The following CMTM3 variants were observed in gnomAD, a reference collection of about 807,000 sequenced individuals.
CMTM3 encodes the protein CKLF like MARVEL transmembrane domain containing 3.
In CMTM3, 7 loss-of-function variants were observed where a neutral mutation model predicts 18.2. The observed-to-expected ratio is 0.38, with a 90% CI of 0.22 to 0.72. The LOEUF is 0.72. Among genes scored for constraint, CMTM3 ranks in the 30% least tolerant of loss-of-function variants. The pLI is 0.46. For synonymous variants in CMTM3, 109 were observed against 111.2 expected, an observed-to-expected ratio of 0.98 and a Z score of 0.12; for missense variants, 227 against 249.2, an observed-to-expected ratio of 0.91 and a Z score of 0.60.
chr16:66,608,320 C>G lies in CMTM3; in HGVS notation c.159C>G (p.Phe53Leu), dbSNP rs1430860337. ...RLLLAESGLS[F>L]ITFICYVASS... The stretch of plus-strand genomic sequence containing the variant: ...CTCCTTCCCCGCAGGGTCTCTCATT[C>G]ATCACTTTTATCTGCTATGTGGCGT... The change falls in exon 2 of 5, where the codon TTC (phenylalanine) becomes TTG (leucine). Residue 53 changes from phenylalanine (F) to leucine (L), a missense_variant. Phe to Leu is a conservative substitution (Grantham distance 22). Coordinates refer to ENST00000567572, the MANE Select transcript of CMTM3 (RefSeq NM_181553.4). This position sits in a 1 kb window ranked among gnomAD's most constrained non-coding sequence, Gnocchi z 5.1. 6.2e-7 allele frequency: 1 copy of G among 1,614,210 alleles called. No individual in the cohort carries two copies. Among genetic ancestry groups the G allele is most frequent in the Admixed American group, 1.7e-5 (1 of 60,020 alleles).
At chr16:66,606,128 G>C (rs1046294980) in intron 1 of CMTM3, among the ~76,000 whole-genome samples, 1 of 152,068 alleles carries the variant, frequency 6.6e-6, no homozygotes, top group Non-Finnish European at 1.5e-5. Flanking sequence ...CCAGGTCAGG[G>C]AGGATAAGGA....
rs371166783 is a variant in CMTM3, at chr16:66,610,029, G to A, written c.520+26G>A. ...GTAAGCGGCTGCCCTGATCACCCCA[G>A]CAGTGCTGCAACAGGGGCCTGCCCT... is the stretch of plus-strand genomic sequence containing the variant. On this transcript the variant is annotated intron_variant, in intron 4 of 4. Coordinates refer to ENST00000567572, the MANE Select transcript of CMTM3 (RefSeq NM_181553.4). This position sits in a 1 kb window ranked among gnomAD's most constrained non-coding sequence, Gnocchi z 4.6. 24 of 1,612,496 alleles carry A rather than the reference G, an allele frequency of 1.5e-5. No individual in the cohort carries two copies. The East Asian group carries it at 1.8e-4, about 12-fold the overall frequency.
Position 66,609,932 on chromosome 16 carries a change from T to C in CMTM3, c.449T>C (p.Ile150Thr). 6.2e-7 allele frequency: 1 copy of C among 1,614,140 alleles called. No homozygotes were observed. Among genetic ancestry groups the C allele is most frequent in the Non-Finnish European group, 8.5e-7 (1 of 1,180,028 alleles). The change falls in exon 4 of 5, where the codon ATC becomes ACC. Residue 150 changes from isoleucine to threonine, a missense_variant. Transcript: ENST00000567572. This position sits in a 1 kb window ranked among gnomAD's most constrained non-coding sequence, Gnocchi z 4.4. The stretch of plus-strand genomic sequence containing the variant: ...GTGTTTGCAACTGATTTCTACCTGA[T>C]CTTTAACGACGTGGCCAAATTCCTC... ...TIVFATDFYL[I>T]FNDVAKFLKQ...
Position 66,609,344 on chromosome 16 carries a change from T to C in CMTM3, c.304-91T>C. ...GATAGGAGCCCTCAGGTGCTAGGCCTGGGGCTGGGAACACGACCAGGCTGC... is the reference window on the plus strand; with the variant it reads ...GATAGGAGCCCTCAGGTGCTAGGCCCGGGGCTGGGAACACGACCAGGCTGC... On this transcript the variant is annotated intron_variant, in intron 2 of 4. Coordinates refer to ENST00000567572, the MANE Select transcript of CMTM3 (RefSeq NM_181553.4). The surrounding 1 kb of genome is among the most constrained non-coding windows in gnomAD (Gnocchi z 4.4). 8.8e-7 allele frequency: 1 copy of C among 1,136,082 alleles called. No individual in the cohort carries two copies. Among genetic ancestry groups the C allele is most frequent in the Non-Finnish European group, 1.3e-6 (1 of 780,782 alleles). The allele number at this position is 1,136,082 out of a possible 1,614,324, so 70.4% of individuals were successfully genotyped here. A position where few individuals can be genotyped will look rare whatever the true frequency, so the allele number is the denominator to read the frequency against.
rs1432555563 is a variant in CMTM3, at chr16:66,612,093, G to A, written c.521-516G>A. ...TCTTGGGGTGGAAACACCCCCACCT[G>A]CACCCGCACCCACACCCTGGAGGTG... On this transcript the variant is annotated intron_variant, in intron 4 of 4. Coordinates refer to ENST00000567572, the MANE Select transcript of CMTM3 (RefSeq NM_181553.4). This position sits in a 1 kb window ranked among gnomAD's most constrained non-coding sequence, Gnocchi z 6.0. 6.6e-6 allele frequency among the ~76,000 whole-genome samples: 1 copy of A among 152,122 alleles called. No individual in the cohort carries two copies. The highest frequency in any genetic ancestry group is 2.4e-5 in the African/African-American group (1 of 41,434).
At position 66,612,653 on chromosome 16, in the gene CMTM3, C is replaced by G. The variant is rs369189650; in HGVS notation, c.*16C>G. On this transcript the variant is annotated 3_prime_UTR_variant, in exon 5 of 5. Transcript: ENST00000567572. This position sits in a 1 kb window ranked among gnomAD's most constrained non-coding sequence, Gnocchi z 6.0. ...CTCTGACTGAAGGCCTGGCGGGTGC[C>G]TTGGCAACCTGAGCCACACAGGCCT... 2 of 1,613,482 alleles carry G rather than the reference C, an allele frequency of 1.2e-6. No individual in the cohort carries two copies. Among genetic ancestry groups the G allele is most frequent in the African/African-American group, 2.7e-5 (2 of 74,936 alleles).
intron 1 of CMTM3, among the ~76,000 whole-genome samples, chr16:66,607,792 C>T (rs1454003551): frequency 6.7e-6 from 1 of 149,016 alleles, no homozygotes; most frequent in African/African-American, 2.5e-5. Flanking sequence ...GGGCCATGCC[C>T]AGGACTGGGA....
chr16:66,604,226 G>C, upstream of CMTM3: 1 of 152,410 alleles, frequency 6.6e-6, no homozygotes, highest in Non-Finnish European at 1.5e-5. Flanking sequence ...GCGGGTGCAG[G>C]ACCGAGGCCT....
In CMTM3 at chr16:66,612,242, C is replaced by T. The variant is rs940659612; in HGVS notation, c.521-367C>T. On this transcript the variant is annotated intron_variant, in intron 4 of 4. Coordinates refer to ENST00000567572, the MANE Select transcript of CMTM3 (RefSeq NM_181553.4). The surrounding 1 kb of genome is among the most constrained non-coding windows in gnomAD (Gnocchi z 6.0). ...CCAGCCTGGTGAAAGCCCATCTCTACTAAAAGTACAAAAATTAGCCAGGTG... is the reference window on the plus strand; with the variant it reads ...CCAGCCTGGTGAAAGCCCATCTCTATTAAAAGTACAAAAATTAGCCAGGTG... 1.3e-5 allele frequency among the ~76,000 whole-genome samples: 2 copies of T among 152,134 alleles called. No homozygotes were observed. The highest frequency in any genetic ancestry group is 2.4e-5 in the African/African-American group (1 of 41,426).
Position 66,612,705 on chromosome 16 carries a change from T to C in CMTM3, c.*68T>C, listed in dbSNP as rs2015426874. ...CACCCCTGCGCCTCACAGGGGTCGCTGGCGTTGGAGCGGAGGCCTGGACTT... is the reference window on the plus strand; with the variant it reads ...CACCCCTGCGCCTCACAGGGGTCGCCGGCGTTGGAGCGGAGGCCTGGACTT... On this transcript the variant is annotated 3_prime_UTR_variant, in exon 5 of 5. Transcript: ENST00000567572. This position sits in a 1 kb window ranked among gnomAD's most constrained non-coding sequence, Gnocchi z 6.0. 2.0e-6 allele frequency: 3 copies of C among 1,513,986 alleles called. No homozygotes were observed. The highest frequency in any genetic ancestry group is 2.7e-6 in the Non-Finnish European group (3 of 1,092,868). The allele number at this position is 1,513,986 out of a possible 1,614,324, so 93.8% of individuals were successfully genotyped here. A position where few individuals can be genotyped will look rare whatever the true frequency, so the allele number is the denominator to read the frequency against.
Position 66,610,178 on chromosome 16 carries a change from A to G in CMTM3, c.520+175A>G. ...GCAGCACTGATCCAAAGCCAGTCCC[A>G]TTCGCCTCGTGCACCCTCACCCCAG... On this transcript the variant is annotated intron_variant, in intron 4 of 4. Transcript: ENST00000567572. This position sits in a 1 kb window ranked among gnomAD's most constrained non-coding sequence, Gnocchi z 4.6. 2 of 775,302 alleles carry G rather than the reference A, an allele frequency of 2.6e-6. No individual in the cohort carries two copies. Among genetic ancestry groups the G allele is most frequent in the Non-Finnish European group, 4.1e-6 (2 of 491,726 alleles). 48.0% of individuals were successfully genotyped at this position (775,302 alleles called of 1,614,324 possible). A position where few individuals can be genotyped will look rare whatever the true frequency, so the allele number is the denominator to read the frequency against.
rs2015429025 is a variant in CMTM3, at chr16:66,612,732, T to C, written c.*95T>C. ...GCGTTGGAGCGGAGGCCTGGACTTC[T>C]GAGTTGCAGAGGGGGCTGCGGACAC... On this transcript the variant is annotated 3_prime_UTR_variant, in exon 5 of 5. Transcript: ENST00000567572. The surrounding 1 kb of genome is among the most constrained non-coding windows in gnomAD (Gnocchi z 6.0). The C allele has an allele frequency of 2.4e-6, 3 of 1,274,162 alleles. No individual in the cohort carries two copies. The highest frequency in any genetic ancestry group is 1.5e-5 in the African/African-American group (1 of 67,758). The allele number at this position is 1,274,162 out of a possible 1,614,324, so 78.9% of individuals were successfully genotyped here. A position where few individuals can be genotyped will look rare whatever the true frequency, so the allele number is the denominator to read the frequency against.
At position 66,609,389 on chromosome 16, in the gene CMTM3, G is replaced by A; in HGVS notation, c.304-46G>A. 1 of 1,553,482 alleles carries A rather than the reference G, an allele frequency of 6.4e-7. No individual in the cohort carries two copies. Among genetic ancestry groups the A allele is most frequent in the Non-Finnish European group, 8.8e-7 (1 of 1,134,040 alleles). ...GGCTGCCAGGCCTCCTCCCCATGCT[G>A]TGCTCAGCTCCAGGGGCTCAGGGCA... is the stretch of plus-strand genomic sequence containing the variant. On this transcript the variant is annotated intron_variant, in intron 2 of 4. Transcript: ENST00000567572. This position sits in a 1 kb window ranked among gnomAD's most constrained non-coding sequence, Gnocchi z 4.4.
rs2015403739 is a variant in CMTM3 at position 66,612,235 on chromosome 16, A to G, written c.521-374A>G. Among the ~76,000 whole-genome samples, 1 of 152,146 alleles carries G rather than the reference A, an allele frequency of 6.6e-6. No individual in the cohort carries two copies. Among genetic ancestry groups the G allele is most frequent in the Non-Finnish European group, 1.5e-5 (1 of 68,012 alleles). On this transcript the variant is annotated intron_variant, in intron 4 of 4. Coordinates refer to ENST00000567572, the MANE Select transcript of CMTM3 (RefSeq NM_181553.4). The surrounding 1 kb of genome is among the most constrained non-coding windows in gnomAD (Gnocchi z 6.0). ...TTCAAGACCAGCCTGGTGAAAGCCC[A>G]TCTCTACTAAAAGTACAAAAATTAG...
In CMTM3 at chr16:66,609,160, G is replaced by C. The variant is rs1444343435; in HGVS notation, c.304-275G>C. ...TTCCAACTTCTGCTTCCACCGCATC[G>C]CAGGGCAGGCTGCACCCTGATCCAC... On this transcript the variant is annotated intron_variant, in intron 2 of 4. Coordinates refer to ENST00000567572, the MANE Select transcript of CMTM3 (RefSeq NM_181553.4). The surrounding 1 kb of genome is among the most constrained non-coding windows in gnomAD (Gnocchi z 4.4). Among the ~76,000 whole-genome samples the C allele has an allele frequency of 6.6e-6, 1 of 151,774 alleles. No homozygotes were observed. Among genetic ancestry groups the C allele is most frequent in the Non-Finnish European group, 1.5e-5 (1 of 67,912 alleles).
Position 66,609,833 on chromosome 16 carries a change from C to T in CMTM3, c.400-50C>T. The T allele has an allele frequency of 6.2e-7, 1 of 1,614,134 alleles. No individual in the cohort carries two copies. The highest frequency in any genetic ancestry group is 1.1e-5 in the South Asian group (1 of 91,090). On this transcript the variant is annotated intron_variant, in intron 3 of 4. Transcript: ENST00000567572. This position sits in a 1 kb window ranked among gnomAD's most constrained non-coding sequence, Gnocchi z 4.4. ...GCCGTGAGGCTGGGGCAGCAGCCTCCCGGAGCAGGGAGTCAGCCCTGTGAT... is the reference window on the plus strand; with the variant it reads ...GCCGTGAGGCTGGGGCAGCAGCCTCTCGGAGCAGGGAGTCAGCCCTGTGAT...
chr16:66,613,718 A>G lies in CMTM3; in HGVS notation c.*1081A>G, dbSNP rs2015469792. On this transcript the variant is annotated 3_prime_UTR_variant, in exon 5 of 5. Transcript: ENST00000567572. ...GCGTGTGAATCTCTTACCCTGAAAA[A>G]AAGCCATAATGAATTAAGCCAGACT... 6.6e-6 allele frequency: 1 copy of G among 152,510 alleles called. No homozygotes were observed. The highest frequency in any genetic ancestry group is 2.1e-4 in the South Asian group (1 of 4,818). The allele number at this position is 152,510 out of a possible 1,614,324, so 9.4% of individuals were successfully genotyped here.
Position 66,608,037 on chromosome 16 carries a change from G to A in CMTM3, c.148-272G>A, listed in dbSNP as rs1331500963. 6.6e-6 allele frequency among the ~76,000 whole-genome samples: 1 copy of A among 152,122 alleles called. No individual in the cohort carries two copies. Among genetic ancestry groups the A allele is most frequent in the Non-Finnish European group, 1.5e-5 (1 of 68,026 alleles). ...ATTTTTGTATATTTTGCCGAGATGA[G>A]GTTTTGCCATGTTGCCCAAGCTGGG... On this transcript the variant is annotated intron_variant, in intron 1 of 4. Coordinates refer to ENST00000567572, the MANE Select transcript of CMTM3 (RefSeq NM_181553.4). This position sits in a 1 kb window ranked among gnomAD's most constrained non-coding sequence, Gnocchi z 5.1.
rs914492602 is a variant in CMTM3 at position 66,610,500 on chromosome 16, T to C, written c.520+497T>C. Among the ~76,000 whole-genome samples, 2 of 151,880 alleles carry C rather than the reference T, an allele frequency of 1.3e-5. No individual in the cohort carries two copies. Among genetic ancestry groups the C allele is most frequent in the African/African-American group, 2.4e-5 (1 of 41,362 alleles). On this transcript the variant is annotated intron_variant, in intron 4 of 4. Transcript: ENST00000567572. This position sits in a 1 kb window ranked among gnomAD's most constrained non-coding sequence, Gnocchi z 4.6. ...ATGACGACAGTAAAACAGGAGCCGA[T>C]AGAGGGAGGGATACAGTAGCTGAAA...
Sources: gnomAD v4.1 joint callset for allele counts (sites outside exome capture counted in the v4.1 genomes callset) on GRCh38, gnomAD v4.1.1 for gene constraint, Gnocchi (gnomAD v3.1) non-coding constraint, MANE v1.5 for transcripts, NCBI Gene and HGNC (gene_info 2026-07-23, HGNC 2026-07-21) for gene names.